PDLIM5: variants seen among roughly 807,000 people sequenced by gnomAD.
The protein encoded by PDLIM5 is PDZ and LIM domain 5, also known as PDZ and LIM domain protein 5.
A neutral mutation model predicts 64.2 loss-of-function variants in PDLIM5; 34 were observed. The observed-to-expected ratio is 0.53, with a 90% confidence interval of 0.40 to 0.71. The LOEUF (loss-of-function observed/expected upper bound fraction) is 0.71. PDLIM5 is among the 30% of genes least tolerant of loss of function. PDLIM5 has a pLI of 0.00. For synonymous variants in PDLIM5, 253 were observed against 269.1 expected (o/e 0.94, Z 0.59); for missense variants, 683 against 733.6 (o/e 0.93, Z 0.80).
intron 3 of PDLIM5, among the ~76,000 whole-genome samples, chr4:94,538,603 C>T (rs1731514405): frequency 6.6e-6 from 1 of 152,130 alleles, no homozygotes; most frequent in South Asian, 2.1e-4. Flanking sequence ...TTTTAGGTAT[C>T]TCATCTGTCA....
In PDLIM5 at chr4:94,666,144, C is replaced by A; in HGVS notation, c.*2077C>A. 1 of 764,952 alleles carries A rather than the reference C, an allele frequency of 1.3e-6. No homozygotes were observed. The highest frequency in any genetic ancestry group is 2.1e-6 in the Non-Finnish European group (1 of 482,436). 47.4% of individuals were successfully genotyped at this position (764,952 alleles called of 1,614,324 possible). A position where few individuals can be genotyped will look rare whatever the true frequency, so the allele number is the denominator to read the frequency against. Reference sequence around the variant, plus strand: ...GCCCCATCACTCACTTACGACATCACTTCCATTGTGTGCATGTTTGTTATA... The same window carrying A: ...GCCCCATCACTCACTTACGACATCAATTCCATTGTGTGCATGTTTGTTATA... On this transcript the variant is annotated 3_prime_UTR_variant, in exon 13 of 13. Coordinates refer to ENST00000317968, the MANE Select transcript of PDLIM5 (RefSeq NM_006457.5).
chr4:94,543,500 A>T (rs1732012350), intron 3 of PDLIM5, among the ~76,000 whole-genome samples: 1 of 152,082 alleles, frequency 6.6e-6, no homozygotes, highest in Non-Finnish European at 1.5e-5. Context: ...CATTGTTGTT[A>T]AGTATAATCA....
intron 8 of PDLIM5, among the ~76,000 whole-genome samples, chr4:94,621,543 C>T (rs1047137231): frequency 6.6e-6 from 1 of 152,240 alleles, no homozygotes; most frequent in South Asian, 2.1e-4. Flanking sequence ...AGAGAAGGCA[C>T]AAAGTATATG....
At chr4:94,547,648 C>CT (rs1553954800) in intron 3 of PDLIM5, among the ~76,000 whole-genome samples, 1 of 152,184 alleles carries the variant, frequency 6.6e-6, no homozygotes, top group African/African-American at 2.4e-5. Flanking sequence ...ATTATTCTGT[C>CT]TAACACATTT....
At chr4:94,627,744 A>C (rs1201531610) in intron 8 of PDLIM5, among the ~76,000 whole-genome samples, 1 of 152,230 alleles carries the variant, frequency 6.6e-6, no homozygotes, top group Non-Finnish European at 1.5e-5. Context: ...AGTTTTGTTA[A>C]CACTGGTTTT....
At chr4:94,611,595 A>G (rs369413042) in intron 7 of PDLIM5, among the ~76,000 whole-genome samples, 1 of 152,228 alleles carries the variant, frequency 6.6e-6, no homozygotes, top group Non-Finnish European at 1.5e-5. Context: ...GATTGGCTAC[A>G]TATTATAGTT....
intron 7 of PDLIM5, among the ~76,000 whole-genome samples, chr4:94,614,613 T>C (rs72878489): frequency 0.064 from 9,706 of 152,240 alleles, 1,063 homozygotes; most frequent in African/African-American, 0.22. Flanking sequence ...AGATCAATTC[T>C]GGATTTAAGC....
intron 4 of PDLIM5, among the ~76,000 whole-genome samples, chr4:94,574,185 T>C (rs1034068905): frequency 3.3e-5 from 5 of 152,180 alleles, no homozygotes; most frequent in African/African-American, 1.2e-4. Context: ...TTTTTCTCAA[T>C]TAGTTTTCTT....
intron 7 of PDLIM5, chr4:94,610,339 T>G: frequency 7.2e-7 from 1 of 1,380,090 alleles, no homozygotes; most frequent in Non-Finnish European, 9.5e-7. Context: ...TCTGATGTGA[T>G]CTCAGCGCTC....
intron 7 of PDLIM5, among the ~76,000 whole-genome samples, chr4:94,603,191 T>C (rs1737635625): frequency 1.3e-5 from 2 of 152,130 alleles, no homozygotes; most frequent in Non-Finnish European, 2.9e-5. Context: ...TTGGGTATTA[T>C]CCTAACTGCA....
At chr4:94,605,088 A>G (rs1405859520) in intron 7 of PDLIM5, among the ~76,000 whole-genome samples, 1 of 152,196 alleles carries the variant, frequency 6.6e-6, no homozygotes, top group East Asian at 1.9e-4. Flanking sequence ...AAGAGAAACT[A>G]CTGCATTTTA....
chr4:94,578,794 A>C (rs568041719), intron 5 of PDLIM5, among the ~76,000 whole-genome samples: 1 of 152,076 alleles, frequency 6.6e-6, no homozygotes, highest in Admixed American at 6.5e-5. Context: ...TAAAGTTGAG[A>C]GTTGTTACCT....
intron 2 of PDLIM5, among the ~76,000 whole-genome samples, chr4:94,464,782 G>A (rs1282465399): frequency 6.6e-6 from 1 of 152,130 alleles, no homozygotes; most frequent in East Asian, 1.9e-4. Flanking sequence ...ATGTACCTCT[G>A]TCTATTCTGG....
At chr4:94,497,819 G>A (rs957334225) in intron 2 of PDLIM5, among the ~76,000 whole-genome samples, 1 of 152,140 alleles carries the variant, frequency 6.6e-6, no homozygotes, top group African/African-American at 2.4e-5. Context: ...GCCACTGTGA[G>A]CTACCAACAT....
At chr4:94,556,930 T>C (rs1733387601) in intron 3 of PDLIM5, among the ~76,000 whole-genome samples, 1 of 152,238 alleles carries the variant, frequency 6.6e-6, no homozygotes, top group Non-Finnish European at 1.5e-5. Flanking sequence ...TTTGTCAATT[T>C]TGGCTTTTGT....
At position 94,664,159 on chromosome 4, in the gene PDLIM5, G is replaced by A. The variant is rs986683684; in HGVS notation, c.*92G>A. 2.3e-6 allele frequency: 3 copies of A among 1,312,474 alleles called. No homozygotes were observed. Among genetic ancestry groups the A allele is most frequent in the African/African-American group, 3.0e-5 (2 of 66,122 alleles). 81.3% of individuals were successfully genotyped at this position (1,312,474 alleles called of 1,614,324 possible). On this transcript the variant is annotated 3_prime_UTR_variant, in exon 13 of 13. Coordinates refer to ENST00000317968, the MANE Select transcript of PDLIM5 (RefSeq NM_006457.5). ...TTTTTAGATTCAATATTTATATGGA[G>A]TTTTGAAAAATAATAGTGGCCCTGA...
At chr4:94,610,237 A>G (rs1369012781) in intron 7 of PDLIM5, 2 of 1,516,884 alleles carry the variant, frequency 1.3e-6, no homozygotes, top group African/African-American at 2.8e-5. Context: ...TTCTCCTGCT[A>G]GATATAGTGC....
chr4:94,457,105 T>G, intron 2 of PDLIM5: 1 of 885,114 alleles, frequency 1.1e-6, no homozygotes, highest in South Asian at 5.2e-5. Context: ...GCATCTTGTA[T>G]GTGTATCCAA....
intron 3 of PDLIM5, among the ~76,000 whole-genome samples, chr4:94,558,297 G>A (rs1733536346): frequency 6.6e-6 from 1 of 152,106 alleles, no homozygotes; most frequent in South Asian, 2.1e-4. Flanking sequence ...CGTCTTGCTT[G>A]GCTGTAAGTA....
Sources: allele counts gnomAD v4.1 joint callset (sites outside exome capture counted in the v4.1 genomes callset), GRCh38; gene constraint gnomAD v4.1.1; transcripts MANE v1.5; gene names NCBI Gene and HGNC (gene_info 2026-07-23, HGNC 2026-07-21).